Variants in WDR82 observed in about 807,000 individuals in gnomAD.
WDR82 encodes WD repeat domain 82, also known as WD repeat-containing protein 82.
Under a neutral mutation model 36.1 loss-of-function variants are expected in WDR82, and 8 were observed. The observed-to-expected ratio is 0.22, with a 90% CI of 0.13 to 0.40. The LOEUF is 0.40. WDR82 is among the 10% of genes least tolerant of loss of function. The probability of loss-of-function intolerance (pLI) is 1.00; values close to 1 mark genes in which losing one functional copy is unlikely to be tolerated. For missense variants in WDR82, 185 were observed against 400.5 expected (o/e 0.46, Z 4.59); for synonymous variants, 129 against 137.8 (o/e 0.94, Z 0.45).
chr3:52,266,878 C>T (rs1700110843), intron 3 of WDR82, 74 bp downstream of exon 3: 2 of 1,313,688 alleles, frequency 1.5e-6, no homozygotes, highest in South Asian at 2.4e-5. Flanking sequence ...CTAATAAGCT[C>T]TCTCTAGCCT....
intron 3 of WDR82, among the ~76,000 whole-genome samples, chr3:52,264,963 C>T (rs1350001060): frequency 2.0e-5 from 3 of 152,016 alleles, no homozygotes; most frequent in Non-Finnish European, 4.4e-5. Flanking sequence ...TGAAATAACT[C>T]ATTTTGTATA....
At chr3:52,260,936 A>C (rs1238832575) in intron 4 of WDR82, among the ~76,000 whole-genome samples, 1 of 152,162 alleles carries the variant, frequency 6.6e-6, no homozygotes, top group Non-Finnish European at 1.5e-5. Flanking sequence ...GACTAGCCTG[A>C]CCAACATGGA....
intron 2 of WDR82, chr3:52,268,077 C>A (rs573278765): frequency 3.5e-6 from 1 of 288,314 alleles, no homozygotes; most frequent in South Asian, 2.9e-5. Flanking sequence ...TATTCCATAA[C>A]TTGAACACTA....
At position 52,254,687 on chromosome 3, in the gene WDR82, C is replaced by A. The variant is rs986867651; in HGVS notation, c.*2803G>T. The A allele has an allele frequency of 1.4e-4, 21 of 152,392 alleles. No homozygotes were observed. The highest frequency in any genetic ancestry group is 5.1e-4 in the African/African-American group (21 of 41,422). 9.4% of individuals were successfully genotyped at this position (152,392 alleles called of 1,614,324 possible). On this transcript the variant is annotated 3_prime_UTR_variant, in exon 9 of 9. Coordinates refer to ENST00000296490, the MANE Select transcript of WDR82 (RefSeq NM_025222.4). The stretch of plus-strand genomic sequence containing the variant: ...CAACGGGAAATAATTTCTTTAAGTA[C>A]CCAGTGCAGTGTCACTGTCAAATAA...
chr3:52,260,596 T>C lies in WDR82; in HGVS notation c.427-95A>G. 5 of 760,316 alleles carry C rather than the reference T, an allele frequency of 6.6e-6. No individual in the cohort carries two copies. The East Asian group carries it at 1.2e-4, about 18-fold the overall frequency. 47.1% of individuals were successfully genotyped at this position (760,316 alleles called of 1,614,324 possible). ...TGCTGGTACAATGGGGAAAAAAAAA[T>C]GAATCCAGGACCTTACCACTATATA... On this transcript the variant is annotated intron_variant, in intron 4 of 8. Transcript: ENST00000296490.
chr3:52,259,563 A>G (rs1355486367), intron 6 of WDR82, among the ~76,000 whole-genome samples, 154 bp downstream of exon 6: 1 of 152,232 alleles, frequency 6.6e-6, no homozygotes, highest in Non-Finnish European at 1.5e-5. Flanking sequence ...ACGAAATCCA[A>G]GAGAGGTAAG....
At chr3:52,269,715 G>A (rs1318835794) in intron 2 of WDR82, among the ~76,000 whole-genome samples, 1 of 152,186 alleles carries the variant, frequency 6.6e-6, no homozygotes, top group Non-Finnish European at 1.5e-5. Flanking sequence ...AGGCAACAGA[G>A]TGAGACTCTG....
At position 52,266,944 on chromosome 3, in the gene WDR82, G is replaced by T. The variant is rs1303278035; in HGVS notation, c.326+8C>A. On this transcript the variant is annotated splice_region_variant and intron_variant, in intron 3 of 8. Transcript: ENST00000296490. The stretch of plus-strand genomic sequence containing the variant: ...GAACTATCTGCTTCTATAATACGTG[G>T]GTCTTACCTTTTGCTATGTCCAGGA... The T allele has an allele frequency of 1.9e-6, 3 of 1,606,282 alleles. No homozygotes were observed. In the African/African-American group the frequency reaches 4.0e-5, roughly 22 times the overall value.
chr3:52,261,251 TC>T (rs1700058965), intron 4 of WDR82, 128 bp downstream of exon 4: 2 of 773,998 alleles, frequency 2.6e-6, no homozygotes, highest in Non-Finnish European at 4.1e-6. Context: ...ACAGATTTTC[TC>T]CAAAGTTTAA....
chr3:52,275,678 G>A (rs1700196814), intron 1 of WDR82, among the ~76,000 whole-genome samples: 1 of 152,164 alleles, frequency 6.6e-6, no homozygotes, highest in African/African-American at 2.4e-5. Flanking sequence ...GAGATCAGGA[G>A]TTCAAGACCA....
At chr3:52,257,970 C>T (rs1348734811) in intron 8 of WDR82, among the ~76,000 whole-genome samples, 1 of 151,898 alleles carries the variant, frequency 6.6e-6, no homozygotes, top group Non-Finnish European at 1.5e-5. Context: ...GCAATGTGCT[C>T]CGGGTAGGCT....
chr3:52,272,520 G>C (rs1448983105), intron 1 of WDR82, among the ~76,000 whole-genome samples: 1 of 138,442 alleles, frequency 7.2e-6, no homozygotes, highest in Non-Finnish European at 1.5e-5. Flanking sequence ...CTCTAGCCTG[G>C]GCAACAGAGC....
At chr3:52,273,383 ATCGCGCCATTG>A (rs1288958841) in intron 1 of WDR82, among the ~76,000 whole-genome samples, 2 of 151,998 alleles carry the variant, frequency 1.3e-5, no homozygotes, top group Non-Finnish European at 2.9e-5. Flanking sequence ...TTGAGCCAAG[ATCGCGCCATTG>A]TACTCCGACC....
At chr3:52,267,252 T>C (rs1411260817) in intron 2 of WDR82, 3 of 348,934 alleles carry the variant, frequency 8.6e-6, no homozygotes, top group Non-Finnish European at 1.6e-5. Context: ...ATGTTTGAAA[T>C]GACCTTTTAT....
At chr3:52,273,965 T>C (rs1700176926) in intron 1 of WDR82, among the ~76,000 whole-genome samples, 1 of 152,218 alleles carries the variant, frequency 6.6e-6, no homozygotes, top group Admixed American at 6.5e-5. Context: ...ACTGCATCCA[T>C]GTGGGTCTTA....
Position 52,259,733 on chromosome 3 carries a change from A to C in WDR82, c.683T>G (p.Val228Gly), listed in dbSNP as rs1374067467. The change falls in exon 6 of 9, where the codon GTG becomes GGG. Residue 228 changes from valine to glycine, a missense_variant. Physicochemically the swap from Val to Gly is moderately radical, Grantham distance 109. Coordinates refer to ENST00000296490, the MANE Select transcript of WDR82 (RefSeq NM_025222.4). ...TCAGCTCACCCCAAATGTGTGCATC[A>C]CCACTCCTTTGAATGCATCAATCAG... ...IRLIDAFKGV[V>G]MHTFGGYANS... is the part of the protein sequence containing the mutation. 6.2e-7 allele frequency: 1 copy of C among 1,613,848 alleles called. No individual in the cohort carries two copies. Among genetic ancestry groups the C allele is most frequent in the Non-Finnish European group, 8.5e-7 (1 of 1,179,836 alleles).
intron 2 of WDR82, 119 bp from the exon 3 acceptor site, chr3:52,267,137 C>T: frequency 5.4e-6 from 4 of 736,946 alleles, no homozygotes; most frequent in Non-Finnish European, 8.9e-6. Flanking sequence ...CCAAGCAAGG[C>T]ATGAATAAAT....
At chr3:52,269,318 T>C (rs765547846) in intron 2 of WDR82, among the ~76,000 whole-genome samples, 1 of 151,670 alleles carries the variant, frequency 6.6e-6, no homozygotes, top group Non-Finnish European at 1.5e-5. Context: ...CTACTAAAAA[T>C]ACAAAAATTA....
intron 8 of WDR82, among the ~76,000 whole-genome samples, 153 bp downstream of exon 8, chr3:52,258,380 TAGG>T (rs1312978790): frequency 1.3e-5 from 2 of 152,088 alleles, no homozygotes; most frequent in Non-Finnish European, 2.9e-5. Flanking sequence ...GATCAAATAA[TAGG>T]AGATGAAATA....
Sources: allele counts gnomAD v4.1 joint callset (sites outside exome capture counted in the v4.1 genomes callset), GRCh38; gene constraint gnomAD v4.1.1; transcripts MANE v1.5; gene names NCBI Gene and HGNC (gene_info 2026-07-23, HGNC 2026-07-21).